Variants in CDH13 observed in about 807,000 individuals in gnomAD.
CDH13 encodes cadherin 13.
CDH13 carries 24 observed loss-of-function variants against 63.8 expected under a neutral mutation model. The observed-to-expected ratio is 0.38, with a 90% CI of 0.27 to 0.53. The LOEUF (loss-of-function observed/expected upper bound fraction) is 0.53, where lower values mean the gene tolerates loss of function less well. CDH13 is among the 20% of genes least tolerant of loss of function. The pLI, the probability that CDH13 is intolerant of heterozygous loss-of-function variation, is 0.85. For missense variants in CDH13, 1,049 were observed against 903.1 expected, an observed-to-expected ratio of 1.16 and a Z score of -2.07; for synonymous variants, 503 against 355.3, an observed-to-expected ratio of 1.42 and a Z score of -4.67.
intron 7 of CDH13, among the ~76,000 whole-genome samples, chr16:83,509,808 TTTAA>T (rs2074514631): frequency 1.3e-5 from 2 of 152,228 alleles, no homozygotes; most frequent in African/African-American, 4.8e-5. Flanking sequence ...TGGATTCTCA[TTTAA>T]TTATTACTCT....
At chr16:83,643,283 T>TA (rs1195185794) in intron 8 of CDH13, among the ~76,000 whole-genome samples, 7,413 of 93,802 alleles carry the variant, frequency 0.079, 499 homozygotes, top group Non-Finnish European at 0.1. Flanking sequence ...TAGAGTATAA[T>TA]AAAAAAAAAA....
chr16:82,780,222 G>T (rs2035688840), intron 1 of CDH13, among the ~76,000 whole-genome samples: 1 of 152,096 alleles, frequency 6.6e-6, no homozygotes, highest in Non-Finnish European at 1.5e-5. Context: ...CCCACAAGTG[G>T]TTACAACAAC....
chr16:83,201,939 A>G (rs1013069285), intron 4 of CDH13, among the ~76,000 whole-genome samples: 2 of 152,050 alleles, frequency 1.3e-5, no homozygotes, highest in East Asian at 3.9e-4. Flanking sequence ...AAGATTGAGT[A>G]ATGTCAGAGA....
chr16:83,384,639 A>G (rs2091636891), intron 6 of CDH13, among the ~76,000 whole-genome samples: 1 of 152,224 alleles, frequency 6.6e-6, no homozygotes. Context: ...CATGTGGGTC[A>G]GCAGCATGGG....
In CDH13 at chr16:83,592,249, C is replaced by T. The variant is rs560145687; in HGVS notation, c.961-10205C>T. Among the ~76,000 whole-genome samples, 140 of 152,326 alleles carry T rather than the reference C, an allele frequency of 9.2e-4. 1 individual carries two copies. Among genetic ancestry groups the T allele is most frequent in the Non-Finnish European group, 1.7e-3 (116 of 68,040 alleles). ...ATAAGCTCCATATAGCTTTCCTGAG[C>T]ACCCCACATTCTGACCCCCTTCATG... On this transcript the variant is annotated intron_variant, in intron 7 of 13. Coordinates refer to ENST00000567109, the MANE Select transcript of CDH13 (RefSeq NM_001257.5).
chr16:83,267,783 G>T (rs60705844), intron 5 of CDH13, among the ~76,000 whole-genome samples: 45,834 of 151,956 alleles, frequency 0.3, 7,954 homozygotes, highest in African/African-American at 0.47. Context: ...TTTTTCATTA[G>T]AAATGACCCA....
At chr16:83,763,929 G>C (rs1176445267) in intron 11 of CDH13, among the ~76,000 whole-genome samples, 1 of 152,142 alleles carries the variant, frequency 6.6e-6, no homozygotes, top group Non-Finnish European at 1.5e-5. Context: ...CTACACCTCA[G>C]GATGAGTTCA....
At chr16:82,778,738 T>A (rs1417584480) in intron 1 of CDH13, among the ~76,000 whole-genome samples, 1 of 152,180 alleles carries the variant, frequency 6.6e-6, no homozygotes, top group Non-Finnish European at 1.5e-5. Flanking sequence ...GCCCTCATTA[T>A]GAACAACAGC....
intron 8 of CDH13, among the ~76,000 whole-genome samples, chr16:83,603,197 T>C (rs1368756465): frequency 4.6e-5 from 7 of 152,214 alleles, no homozygotes; most frequent in African/African-American, 1.7e-4. Flanking sequence ...GCTAAATTTG[T>C]ACCCAAACCA....
chr16:83,344,818 T>G (rs1247771326), intron 5 of CDH13, 44 bp from the exon 6 acceptor site: 2 of 1,598,172 alleles, frequency 1.3e-6, no homozygotes, highest in Non-Finnish European at 1.7e-6. Context: ...ATTTTCATAA[T>G]GAATTAATAT....
At chr16:82,809,605 T>C (rs1386584030) in intron 1 of CDH13, among the ~76,000 whole-genome samples, 1 of 152,162 alleles carries the variant, frequency 6.6e-6, no homozygotes, top group African/African-American at 2.4e-5. Context: ...TTTTATGTTT[T>C]TACCCTTGAT....
intron 7 of CDH13, among the ~76,000 whole-genome samples, chr16:83,540,598 T>C (rs1173221522): frequency 2.0e-5 from 3 of 152,222 alleles, no homozygotes; most frequent in Non-Finnish European, 2.9e-5. Flanking sequence ...TTTCTACGTT[T>C]GTCCCTTTGT....
intron 4 of CDH13, among the ~76,000 whole-genome samples, chr16:83,164,020 C>T (rs557001026): frequency 1.1e-4 from 16 of 151,982 alleles, no homozygotes; most frequent in Admixed American, 1.3e-4. Flanking sequence ...AATAATCACA[C>T]CAACACTATA....
chr16:83,770,011 CTG>C (rs1210327532), intron 11 of CDH13, among the ~76,000 whole-genome samples: 3 of 152,162 alleles, frequency 2.0e-5, no homozygotes, highest in Admixed American at 2.0e-4. Context: ...TGAATTATAA[CTG>C]TATTTGTACC....
At chr16:83,191,484 TATATGC>T (rs1468154749) in intron 4 of CDH13, among the ~76,000 whole-genome samples, 71 of 109,620 alleles carry the variant, frequency 6.5e-4, no homozygotes, top group African/African-American at 1.9e-3. Context: ...TATATATATA[TATATGC>T]ACATATATAT....
At chr16:83,502,864 G>A (rs2074312819) in intron 7 of CDH13, among the ~76,000 whole-genome samples, 1 of 152,202 alleles carries the variant, frequency 6.6e-6, no homozygotes, top group South Asian at 2.1e-4. Flanking sequence ...ATCTTTCTCA[G>A]GCATCTCCAT....
intron 5 of CDH13, among the ~76,000 whole-genome samples, chr16:83,252,432 A>G (rs1475602922): frequency 6.6e-6 from 1 of 152,106 alleles, no homozygotes; most frequent in Non-Finnish European, 1.5e-5. Context: ...TTATTAACCA[A>G]AGATGGTGAC....
At chr16:82,935,312 C>T (rs986335672) in intron 2 of CDH13, among the ~76,000 whole-genome samples, 4 of 152,186 alleles carry the variant, frequency 2.6e-5, no homozygotes, top group Non-Finnish European at 5.9e-5. Context: ...GGAAGGCTCC[C>T]ATGACCTAAT....
rs527909611 is a variant in CDH13 at position 83,010,008 on chromosome 16, G to A, written c.158-22002G>A. Among the ~76,000 whole-genome samples, 695 of 151,982 alleles carry A rather than the reference G, an allele frequency of 4.6e-3. 5 individuals are homozygous for A. Among genetic ancestry groups the A allele is most frequent in the Non-Finnish European group, 7.9e-3 (536 of 67,970 alleles). On this transcript the variant is annotated intron_variant, in intron 2 of 13. Coordinates refer to ENST00000567109, the MANE Select transcript of CDH13 (RefSeq NM_001257.5). ...AAATTAGCTGGGCATGGCGGCACAC[G>A]CCTGTAATCCCAGCTACTCAGGAGG...
Sources: allele counts gnomAD v4.1 joint callset (sites outside exome capture counted in the v4.1 genomes callset), GRCh38; gene constraint gnomAD v4.1.1; transcripts MANE v1.5; gene names NCBI Gene and HGNC (gene_info 2026-07-23, HGNC 2026-07-21).